The following MYO10 variants were observed in gnomAD, a reference collection of about 807,000 sequenced individuals.
The protein encoded by MYO10 is unconventional myosin-X.
Under a neutral mutation model 257.3 loss-of-function variants are expected in MYO10, and 133 were observed. The ratio of observed to expected loss-of-function variants is 0.52; its 90% confidence interval spans 0.45 to 0.60. The LOEUF (loss-of-function observed/expected upper bound fraction) is 0.60. Ranked by LOEUF, MYO10 falls within the 20% of genes least tolerant of loss-of-function variation. The pLI is 0.00. For synonymous variants in MYO10, 1,104 were observed against 1,028.6 expected (o/e 1.07, Z -1.40); for missense variants, 2,399 against 2,635.7 (o/e 0.91, Z 1.97).
At chr5:16,928,234 C>T (rs1187543067) in intron 1 of MYO10, among the ~76,000 whole-genome samples, 1 of 152,122 alleles carries the variant, frequency 6.6e-6, no homozygotes, top group Non-Finnish European at 1.5e-5. Flanking sequence ...TGGAGACAGT[C>T]TCCCTCTGTC....
At chr5:16,674,642 G>A (rs576162296) in intron 35 of MYO10, among the ~76,000 whole-genome samples, 3 of 151,282 alleles carry the variant, frequency 2.0e-5, no homozygotes, top group Admixed American at 6.6e-5. Context: ...TTACACCAAC[G>A]GTGACTTGGT....
chr5:16,834,647 G>A (rs2126720992), intron 2 of MYO10, among the ~76,000 whole-genome samples: 1 of 152,292 alleles, frequency 6.6e-6, no homozygotes, highest in African/African-American at 2.4e-5. Context: ...CAAAGACTGG[G>A]TCACAAATCA....
intron 19 of MYO10, among the ~76,000 whole-genome samples, chr5:16,746,750 G>A (rs1740208752): frequency 6.6e-6 from 1 of 152,212 alleles, no homozygotes; most frequent in African/African-American, 2.4e-5. Flanking sequence ...AGAGCTAAGC[G>A]ATAAGAAATC....
At chr5:16,931,635 A>G (rs200409083) in intron 1 of MYO10, among the ~76,000 whole-genome samples, 2 of 55,402 alleles carry the variant, frequency 3.6e-5, no homozygotes, top group East Asian at 4.2e-4. Context: ...TAGCAGGGGG[A>G]AAAAAAAAAT....
intron 2 of MYO10, among the ~76,000 whole-genome samples, chr5:16,857,707 G>A (rs1025325373): frequency 3.9e-5 from 6 of 152,110 alleles, no homozygotes; most frequent in Admixed American, 2.0e-4. Context: ...TTTTGCCACG[G>A]GCTACTTTAA....
chr5:16,787,100 C>T (rs1364368083), intron 4 of MYO10, among the ~76,000 whole-genome samples: 2 of 152,052 alleles, frequency 1.3e-5, no homozygotes, highest in Non-Finnish European at 2.9e-5. Context: ...ATCCGGGAGG[C>T]GGAGGTTGCA....
chr5:16,866,329 T>C lies in MYO10; in HGVS notation c.120+11280A>G, dbSNP rs150269491. On this transcript the variant is annotated intron_variant, in intron 2 of 40. Transcript: ENST00000513610. ...GGACTGCGGAAAAACATTTGTATTT[T>C]GTTGAGCCATACTGTCATCAGACAG... 8.8e-3 allele frequency among the ~76,000 whole-genome samples: 1,339 copies of C among 152,308 alleles called. 47 individuals carry two copies. Among genetic ancestry groups the C allele is most frequent in the Non-Finnish European group, 5.4e-3 (370 of 68,024 alleles).
intron 19 of MYO10, among the ~76,000 whole-genome samples, chr5:16,736,372 A>C (rs1182872784): frequency 6.6e-6 from 1 of 152,218 alleles, no homozygotes; most frequent in African/African-American, 2.4e-5. Flanking sequence ...GGAGCAACTG[A>C]ATAGAAGTGG....
At chr5:16,827,566 C>A (rs1210425538) in intron 2 of MYO10, among the ~76,000 whole-genome samples, 1 of 152,162 alleles carries the variant, frequency 6.6e-6, no homozygotes, top group Non-Finnish European at 1.5e-5. Context: ...GGATTACAGG[C>A]GTGAGCCACT....
intron 39 of MYO10, among the ~76,000 whole-genome samples, chr5:16,669,008 A>T (rs1736311419): frequency 6.6e-6 from 1 of 152,144 alleles, no homozygotes; most frequent in Non-Finnish European, 1.5e-5. Context: ...GAGTGGGAAC[A>T]GGGACTTTAC....
At chr5:16,877,368 C>T (rs184421542) in intron 2 of MYO10, among the ~76,000 whole-genome samples, 29 of 152,304 alleles carry the variant, frequency 1.9e-4, no homozygotes, top group East Asian at 1.5e-3. Context: ...CAGGCCAGTG[C>T]CATGCCCTTC....
At chr5:16,859,104 G>T (rs1744042328) in intron 2 of MYO10, among the ~76,000 whole-genome samples, 1 of 152,210 alleles carries the variant, frequency 6.6e-6, no homozygotes, top group African/African-American at 2.4e-5. Context: ...GCCAAGGAGG[G>T]CAGGGGTACC....
intron 19 of MYO10, among the ~76,000 whole-genome samples, chr5:16,719,163 C>A (rs1010512705): frequency 6.6e-6 from 1 of 151,764 alleles, no homozygotes; most frequent in African/African-American, 2.4e-5. Context: ...CACTCCTGAG[C>A]CCAGCGAGAC....
At chr5:16,735,303 C>T (rs1739745878) in intron 19 of MYO10, among the ~76,000 whole-genome samples, 1 of 152,156 alleles carries the variant, frequency 6.6e-6, no homozygotes, top group Non-Finnish European at 1.5e-5. Context: ...TAATGAATTG[C>T]TATAGAGTCA....
intron 4 of MYO10, among the ~76,000 whole-genome samples, chr5:16,790,483 C>T (rs250349): frequency 0.49 from 74,861 of 152,000 alleles, 19,015 homozygotes; most frequent in South Asian, 0.62. Context: ...TGGTGGGAGA[C>T]GACTGAATCA....
chr5:16,768,923 G>T, intron 10 of MYO10, 151 bp downstream of exon 10: 4 of 934,322 alleles, frequency 4.3e-6, no homozygotes, highest in Non-Finnish European at 5.9e-6. Flanking sequence ...CAATCTGCCC[G>T]CCTCCACCTC....
At chr5:16,896,700 G>T (rs961577839) in intron 1 of MYO10, among the ~76,000 whole-genome samples, 2 of 152,196 alleles carry the variant, frequency 1.3e-5, no homozygotes, top group African/African-American at 4.8e-5. Flanking sequence ...CTGTGCAGAA[G>T]TGGAATGACA....
At chr5:16,698,695 C>T (rs1737884379) in intron 26 of MYO10, among the ~76,000 whole-genome samples, 1 of 139,704 alleles carries the variant, frequency 7.2e-6, no homozygotes, top group Non-Finnish European at 1.5e-5. Context: ...GCGATCTCGG[C>T]TCACTGCAAG....
intron 1 of MYO10, among the ~76,000 whole-genome samples, chr5:16,931,519 G>A (rs981876298): frequency 4.6e-5 from 7 of 152,144 alleles, no homozygotes; most frequent in Non-Finnish European, 7.3e-5. Context: ...ATGATATGGA[G>A]TGAGGAAGCA....
Sources: allele counts gnomAD v4.1 joint callset (sites outside exome capture counted in the v4.1 genomes callset), GRCh38; gene constraint gnomAD v4.1.1; transcripts MANE v1.5; gene names NCBI Gene and HGNC (gene_info 2026-07-23, HGNC 2026-07-21).